The following EGFLAM variants were observed in gnomAD, a reference collection of about 807,000 sequenced individuals.
EGFLAM encodes the protein pikachurin.
EGFLAM carries 79 observed loss-of-function variants against 113.1 expected under a neutral mutation model. The ratio of observed to expected loss-of-function variants is 0.70; its 90% CI spans 0.58 to 0.84. The LOEUF (loss-of-function observed/expected upper bound fraction) is 0.84. Among genes scored for constraint, EGFLAM ranks in the 40% least tolerant of loss-of-function variants. The pLI, the probability that EGFLAM is intolerant of heterozygous loss-of-function variation, is 0.00. For missense variants in EGFLAM, 1,265 were observed against 1,291.6 expected (o/e 0.98, Z 0.32); for synonymous variants, 504 against 487.6 (o/e 1.03, Z -0.44).
chr5:38,407,118 G>A lies in EGFLAM; in HGVS notation c.1119G>A (p.Leu373=), dbSNP rs775403163. ...TWGGSRCQCT[L]GKGGESCSED... ...GGGGCTCGCGATGCCAGTGCACCCT[G>A]GGCAAAGGTGGTGAGAGCTGCTCAG... The change falls in exon 8 of 22, where the codon CTG becomes CTA. Residue 373 remains leucine (L), a synonymous_variant. Coordinates refer to ENST00000322350, the MANE Select transcript of EGFLAM (RefSeq NM_152403.4). 2.5e-6 allele frequency: 4 copies of A among 1,613,770 alleles called. No homozygotes were observed. Among genetic ancestry groups the A allele is most frequent in the African/African-American group, 2.7e-5 (2 of 74,820 alleles).
At chr5:38,409,210 T>A (rs1310797150) in intron 10 of EGFLAM, 106 bp downstream of exon 10, 2 of 853,828 alleles carry the variant, frequency 2.3e-6, no homozygotes, top group Non-Finnish European at 3.6e-6. Flanking sequence ...TTCTAGTAGA[T>A]GAAAGAATGG....
intron 1 of EGFLAM, among the ~76,000 whole-genome samples, chr5:38,290,259 G>A (rs1758287470): frequency 6.6e-6 from 1 of 152,134 alleles, no homozygotes; most frequent in South Asian, 2.1e-4. Flanking sequence ...CTAAGGAGCT[G>A]GACTAGTTTT....
intron 3 of EGFLAM, among the ~76,000 whole-genome samples, chr5:38,347,725 CAG>C (rs780401386): frequency 2.3e-4 from 35 of 152,170 alleles, no homozygotes; most frequent in African/African-American, 6.0e-4. Flanking sequence ...GAAGGATAAA[CAG>C]GGGGACAAAA....
intron 6 of EGFLAM, among the ~76,000 whole-genome samples, chr5:38,402,475 A>T (rs982315319): frequency 3.9e-5 from 6 of 152,234 alleles, no homozygotes; most frequent in Non-Finnish European, 8.8e-5. Flanking sequence ...AAGAATGATC[A>T]ACATATGGTA....
At chr5:38,330,160 G>C (rs968975089) in intron 1 of EGFLAM, among the ~76,000 whole-genome samples, 2 of 152,090 alleles carry the variant, frequency 1.3e-5, no homozygotes, top group Admixed American at 6.5e-5. Flanking sequence ...TAATGCAAAG[G>C]CTGGAAAAAT....
intron 20 of EGFLAM, among the ~76,000 whole-genome samples, chr5:38,462,423 C>T (rs1032309192): frequency 6.6e-6 from 1 of 152,180 alleles, no homozygotes; most frequent in Non-Finnish European, 1.5e-5. Context: ...TTCACCTTTC[C>T]CAGCCCCAGT....
At chr5:38,390,482 G>T (rs1217501237) in intron 6 of EGFLAM, among the ~76,000 whole-genome samples, 6 of 151,776 alleles carry the variant, frequency 4.0e-5, no homozygotes, top group Non-Finnish European at 7.4e-5. Context: ...TTCCTTGTAT[G>T]TGTGTACAAG....
rs192103527 is a variant in EGFLAM, at chr5:38,376,080, G to A, written c.712+5618G>A. Among the ~76,000 whole-genome samples, 3 of 151,766 alleles carry A rather than the reference G, an allele frequency of 2.0e-5. No homozygotes were observed. In the East Asian group the frequency reaches 5.8e-4, roughly 29 times the overall value. The stretch of plus-strand genomic sequence containing the variant: ...GTATTTTTTTTTTCCCTGCAAGAAA[G>A]AAACACCAGCAGCATTATAGTTTCC... On this transcript the variant is annotated intron_variant, in intron 6 of 21. Transcript: ENST00000322350.
chr5:38,343,583 C>A (rs1300098057), intron 3 of EGFLAM, among the ~76,000 whole-genome samples: 1 of 152,158 alleles, frequency 6.6e-6, no homozygotes, highest in African/African-American at 2.4e-5. Flanking sequence ...AATGCTGCCC[C>A]TGTAACAAAA....
intron 4 of EGFLAM, 112 bp downstream of exon 4, chr5:38,350,730 G>T (rs111257461): frequency 3.0e-6 from 3 of 995,012 alleles, no homozygotes; most frequent in African/African-American, 1.6e-5. Context: ...TAGGCTCTGG[G>T]AATTCAGTAG....
chr5:38,314,478 T>C (rs1364682230), intron 1 of EGFLAM, among the ~76,000 whole-genome samples: 1 of 152,180 alleles, frequency 6.6e-6, no homozygotes, highest in Admixed American at 6.5e-5. Context: ...AAATGCCTGA[T>C]AGTTTTGTTC....
At chr5:38,264,112 C>T (rs1757571815) in intron 1 of EGFLAM, among the ~76,000 whole-genome samples, 1 of 152,128 alleles carries the variant, frequency 6.6e-6, no homozygotes, top group Non-Finnish European at 1.5e-5. Context: ...AGGCTTAGAG[C>T]CTGGGGTTGC....
chr5:38,420,803 C>T (rs1295105318), intron 12 of EGFLAM, among the ~76,000 whole-genome samples: 1 of 152,172 alleles, frequency 6.6e-6, no homozygotes, highest in Non-Finnish European at 1.5e-5. Context: ...TTTGTTAATT[C>T]TGACACAGTG....
intron 6 of EGFLAM, chr5:38,403,763 A>G (rs1741190625): frequency 2.5e-6 from 4 of 1,587,036 alleles, no homozygotes; most frequent in Non-Finnish European, 2.6e-6. Flanking sequence ...AAAAATACAG[A>G]TAAGGGGGAC....
chr5:38,431,944 G>A (rs891108234), intron 15 of EGFLAM, among the ~76,000 whole-genome samples: 2 of 152,280 alleles, frequency 1.3e-5, no homozygotes, highest in South Asian at 2.1e-4. Context: ...GTGGTGAATA[G>A]TGTATGGTTA....
At chr5:38,443,036 C>T (rs376491909) in intron 17 of EGFLAM, among the ~76,000 whole-genome samples, 109 of 152,306 alleles carry the variant, frequency 7.2e-4, no homozygotes, top group Non-Finnish European at 1.3e-3. Context: ...GAGGCTGAGG[C>T]GGGCGGATGA....
At chr5:38,384,048 C>T (rs976485484) in intron 6 of EGFLAM, among the ~76,000 whole-genome samples, 2 of 152,106 alleles carry the variant, frequency 1.3e-5, no homozygotes, top group Admixed American at 6.5e-5. Context: ...AAATTTTGAG[C>T]AGCAAAATGA....
rs770928782 is a variant in EGFLAM, at chr5:38,338,793, C to T, written c.291+12C>T. 75 of 1,613,368 alleles carry T rather than the reference C, an allele frequency of 4.6e-5. No homozygotes were observed. The highest frequency in any genetic ancestry group is 1.7e-5 in the Admixed American group (1 of 60,004). ...ACATCCCGACCACGGTGAGTCTTTCCATCCTGGCAGCCCACTCAAAAGCAT... is the reference window on the plus strand; with the variant it reads ...ACATCCCGACCACGGTGAGTCTTTCTATCCTGGCAGCCCACTCAAAAGCAT... On this transcript the variant is annotated intron_variant, in intron 3 of 21. Transcript: ENST00000322350.
intron 15 of EGFLAM, among the ~76,000 whole-genome samples, chr5:38,434,915 T>C (rs558559009): frequency 1.3e-5 from 2 of 152,262 alleles, no homozygotes; most frequent in Non-Finnish European, 2.9e-5. Flanking sequence ...GACAATGAAA[T>C]GAAGTCTCAG....
Sources: gnomAD v4.1 joint callset for allele counts (sites outside exome capture counted in the v4.1 genomes callset) on GRCh38, gnomAD v4.1.1 for gene constraint, MANE v1.5 for transcripts, NCBI Gene and HGNC (gene_info 2026-07-23, HGNC 2026-07-21) for gene names.